The following LUZP2 variants were observed in gnomAD, a reference collection of about 807,000 sequenced individuals.
LUZP2 encodes leucine zipper protein 2.
Under a neutral mutation model 51.6 loss-of-function variants are expected in LUZP2, and 52 were observed. That is an observed-to-expected ratio of 1.01 (90% CI 0.81 to 1.27). LUZP2 has a LOEUF of 1.27. Ranked by LOEUF, LUZP2 falls within the 50% of genes most tolerant of loss-of-function variation. The pLI is 0.00. For missense variants in LUZP2, 436 were observed against 395.4 expected, an observed-to-expected ratio of 1.10 and a Z score of -0.87; for synonymous variants, 154 against 137.3, an observed-to-expected ratio of 1.12 and a Z score of -0.85.
chr11:24,730,318 T>C (rs1858667459), intron 2 of LUZP2, among the ~76,000 whole-genome samples: 1 of 151,618 alleles, frequency 6.6e-6, no homozygotes, highest in African/African-American at 2.4e-5. Flanking sequence ...AGTGCACAGA[T>C]AGTTAAGGGA....
intron 5 of LUZP2, among the ~76,000 whole-genome samples, chr11:24,880,498 G>C (rs992774566): frequency 6.6e-6 from 1 of 152,136 alleles, no homozygotes; most frequent in African/African-American, 2.4e-5. Flanking sequence ...ACGGTTGGTG[G>C]AGCATCCTGT....
intron 3 of LUZP2, 51 bp from the exon 4 acceptor site, chr11:24,738,169 AT>A (rs1162432642): frequency 2.4e-6 from 3 of 1,259,370 alleles, no homozygotes; most frequent in Middle Eastern, 3.8e-4. Flanking sequence ...TTCATAGGAA[AT>A]AATGGAATTA....
chr11:24,658,336 A>G (rs1234972614), intron 1 of LUZP2, among the ~76,000 whole-genome samples: 3 of 152,226 alleles, frequency 2.0e-5, no homozygotes, highest in Non-Finnish European at 4.4e-5. Flanking sequence ...AGGATTCCCT[A>G]TTTAATAAAT....
chr11:24,664,603 C>A (rs1463071544), intron 1 of LUZP2, among the ~76,000 whole-genome samples: 1 of 152,152 alleles, frequency 6.6e-6, no homozygotes, highest in Non-Finnish European at 1.5e-5. Flanking sequence ...GTCCCAGGAA[C>A]CCCTGCTCTG....
At chr11:24,658,664 C>G (rs1457923570) in intron 1 of LUZP2, among the ~76,000 whole-genome samples, 1 of 151,748 alleles carries the variant, frequency 6.6e-6, no homozygotes, top group Non-Finnish European at 1.5e-5. Flanking sequence ...AAAATTTTTG[C>G]AATCTACTCA....
At chr11:24,875,738 A>G (rs1399617239) in intron 5 of LUZP2, among the ~76,000 whole-genome samples, 1 of 151,846 alleles carries the variant, frequency 6.6e-6, no homozygotes, top group East Asian at 1.9e-4. Context: ...AAGTGTTCCT[A>G]TTTCTCCAAA....
At chr11:25,016,501 G>A (rs914049074) in intron 9 of LUZP2, among the ~76,000 whole-genome samples, 1 of 151,832 alleles carries the variant, frequency 6.6e-6, no homozygotes, top group African/African-American at 2.4e-5. Context: ...TTTTAAGGCT[G>A]CATAGTATTC....
rs149131974 is a variant in LUZP2, at chr11:24,940,364, C to A, written c.522+25826C>A. Among the ~76,000 whole-genome samples the A allele has an allele frequency of 3.3e-4, 50 of 152,240 alleles. 1 individual carries two copies. In the East Asian group the frequency reaches 6.4e-3, roughly 19 times the overall value. On this transcript the variant is annotated intron_variant, in intron 7 of 11. Transcript: ENST00000336930. ...ATGGGTCTTCAATATTTTAGACACT[C>A]ATTAAGCCTGTATTTTATCCACAAG...
rs558070673 is a variant in LUZP2 at position 25,062,984 on chromosome 11, G to C, written c.858+12854G>C. Among the ~76,000 whole-genome samples the C allele has an allele frequency of 2.3e-4, 34 of 149,672 alleles. 2 individuals carry two copies. Among genetic ancestry groups the C allele is most frequent in the Admixed American group, 2.7e-4 (4 of 15,028 alleles). On this transcript the variant is annotated intron_variant, in intron 10 of 11. Coordinates refer to ENST00000336930, the MANE Select transcript of LUZP2 (RefSeq NM_001009909.4). The stretch of plus-strand genomic sequence containing the variant: ...AGTGCCCAGTTTCTTTTCTTTTTTT[G>C]TTTGTTCATTTAGTTTTGTTTTAAA...
chr11:25,057,671 C>T (rs760699060), intron 10 of LUZP2, among the ~76,000 whole-genome samples: 2 of 152,052 alleles, frequency 1.3e-5, no homozygotes, highest in African/African-American at 4.8e-5. Context: ...ATGTTTCTGA[C>T]TCCTATAAGT....
chr11:24,926,441 G>GTATATATGTGTGTGTATA lies in LUZP2; in HGVS notation c.522+11910_522+11927dup, dbSNP rs1554940537. 4.5e-3 allele frequency among the ~76,000 whole-genome samples: 627 copies of GTATATATGTGTGTGTATA among 139,822 alleles called. 3 individuals carry two copies. Among genetic ancestry groups the GTATATATGTGTGTGTATA allele is most frequent in the Middle Eastern group, 0.012 (3 of 244 alleles). The allele number at this position is 139,822 out of a possible 152,430, so 91.7% of individuals were successfully genotyped here. ...TATATATGTGTGTATATATATACGT[G>GTATATATGTGTGTGTATA]TATATATGTGTGTGTATATATATAC... On this transcript the variant is annotated intron_variant, in intron 7 of 11. Coordinates refer to ENST00000336930, the MANE Select transcript of LUZP2 (RefSeq NM_001009909.4).
chr11:24,757,767 C>A (rs1011682372), intron 4 of LUZP2, among the ~76,000 whole-genome samples: 6 of 151,736 alleles, frequency 4.0e-5, no homozygotes, highest in African/African-American at 1.4e-4. Flanking sequence ...AGAAAAAGGC[C>A]ATATTCACAA....
At chr11:24,856,629 A>G (rs1247217547) in intron 5 of LUZP2, among the ~76,000 whole-genome samples, 1 of 152,124 alleles carries the variant, frequency 6.6e-6, no homozygotes, top group Non-Finnish European at 1.5e-5. Context: ...TTGTACTTGT[A>G]TGTTTATCAC....
At chr11:25,054,344 C>T (rs1384256095) in intron 10 of LUZP2, among the ~76,000 whole-genome samples, 1 of 152,136 alleles carries the variant, frequency 6.6e-6, no homozygotes, top group African/African-American at 2.4e-5. Flanking sequence ...TAAAGTTCAA[C>T]TCATCATTTT....
chr11:24,859,737 C>A (rs904811280), intron 5 of LUZP2, among the ~76,000 whole-genome samples: 1 of 152,216 alleles, frequency 6.6e-6, no homozygotes, highest in Non-Finnish European at 1.5e-5. Flanking sequence ...CTGCGAGCCA[C>A]AAGGGACGGG....
intron 4 of LUZP2, among the ~76,000 whole-genome samples, chr11:24,760,250 C>A (rs562530046): frequency 4.6e-5 from 7 of 152,228 alleles, no homozygotes; most frequent in Non-Finnish European, 8.8e-5. Flanking sequence ...AGGTAGCAGG[C>A]TTCAGAGCAA....
chr11:24,865,780 ATGTG>A lies in LUZP2; in HGVS notation c.397-40195_397-40192del, dbSNP rs71044316. Among the ~76,000 whole-genome samples the A allele has an allele frequency of 8.7e-4, 130 of 149,024 alleles. 1 individual carries two copies. The highest frequency in any genetic ancestry group is 1.7e-3 in the African/African-American group (69 of 40,360). On this transcript the variant is annotated intron_variant, in intron 5 of 11. Coordinates refer to ENST00000336930, the MANE Select transcript of LUZP2 (RefSeq NM_001009909.4). ...TATATGTGTATATATATGCATGTAT[ATGTG>A]TGTGTGTGTGTGTGTATATATAATT...
chr11:24,608,015 AT>A (rs199542967), intron 1 of LUZP2, among the ~76,000 whole-genome samples: 1 of 151,466 alleles, frequency 6.6e-6, no homozygotes, highest in South Asian at 2.1e-4. Flanking sequence ...CGCCCAGCTA[AT>A]TTTTTTGTAT....
chr11:24,614,450 T>C (rs1469332663), intron 1 of LUZP2, among the ~76,000 whole-genome samples: 2 of 151,958 alleles, frequency 1.3e-5, no homozygotes, highest in Non-Finnish European at 2.9e-5. Context: ...TTTAACCCCC[T>C]AAAAAAGAAT....
Sources: allele counts gnomAD v4.1 joint callset (sites outside exome capture counted in the v4.1 genomes callset), GRCh38; gene constraint gnomAD v4.1.1; transcripts MANE v1.5; gene names NCBI Gene and HGNC (gene_info 2026-07-23, HGNC 2026-07-21).